The following CNTNAP2 variants were observed in gnomAD, a reference collection of about 807,000 sequenced individuals.
CNTNAP2 encodes the protein contactin-associated protein-like 2.
Under a neutral mutation model 155.2 loss-of-function variants are expected in CNTNAP2, and 98 were observed. That is an observed-to-expected ratio of 0.63 (90% CI 0.54 to 0.75). The LOEUF (loss-of-function observed/expected upper bound fraction) is 0.75, where lower values mean the gene tolerates loss of function less well. Among genes scored for constraint, CNTNAP2 ranks in the 30% least tolerant of loss-of-function variants. CNTNAP2 has a pLI of 0.00. For missense variants in CNTNAP2, 1,727 were observed against 1,688.1 expected, an observed-to-expected ratio of 1.02 and a Z score of -0.40; for synonymous variants, 651 against 631.2, an observed-to-expected ratio of 1.03 and a Z score of -0.47.
chr7:146,725,717 A>T (rs537713172), intron 1 of CNTNAP2, among the ~76,000 whole-genome samples: 1 of 152,118 alleles, frequency 6.6e-6, no homozygotes, highest in South Asian at 2.1e-4. Context: ...CTCCACCTGG[A>T]CCCACTAATC....
At chr7:147,390,768 T>C (rs905893568) in intron 9 of CNTNAP2, among the ~76,000 whole-genome samples, 1 of 152,148 alleles carries the variant, frequency 6.6e-6, no homozygotes, top group African/African-American at 2.4e-5. Flanking sequence ...GCAGCACTGA[T>C]TGTGTGGGAG....
intron 13 of CNTNAP2, among the ~76,000 whole-genome samples, chr7:147,750,811 G>T (rs980142539): frequency 6.6e-6 from 1 of 152,054 alleles, no homozygotes; most frequent in Non-Finnish European, 1.5e-5. Context: ...GGCCAAGGCG[G>T]GTAGATCACG....
intron 1 of CNTNAP2, among the ~76,000 whole-genome samples, chr7:146,426,408 T>TATAC (rs1338236974): frequency 7.3e-6 from 1 of 136,596 alleles, no homozygotes; most frequent in East Asian, 2.1e-4. Flanking sequence ...TATATATATA[T>TATAC]ACACACACAC....
At position 147,476,727 on chromosome 7, in the gene CNTNAP2, G is replaced by T. The variant is rs192031311; in HGVS notation, c.1671-9208G>T. On this transcript the variant is annotated intron_variant, in intron 10 of 23. Transcript: ENST00000361727. ...GGATCACTTGAAGTCAGGAGTTCGAGACCAGCCTGGCCAACATGGCAAAAA... is the reference window on the plus strand; with the variant it reads ...GGATCACTTGAAGTCAGGAGTTCGATACCAGCCTGGCCAACATGGCAAAAA... 5.4e-3 allele frequency among the ~76,000 whole-genome samples: 827 copies of T among 152,118 alleles called. 10 individuals are homozygous for T. Among genetic ancestry groups the T allele is most frequent in the African/African-American group, 0.019 (793 of 41,526 alleles).
rs1244835434 is a variant in CNTNAP2, at chr7:148,397,957, T to G, written c.3716-11434T>G. Among the ~76,000 whole-genome samples, 6 of 152,372 alleles carry G rather than the reference T, an allele frequency of 3.9e-5. No individual in the cohort carries two copies. The East Asian group carries it at 5.8e-4, about 15-fold the overall frequency. On this transcript the variant is annotated intron_variant, in intron 22 of 23. Transcript: ENST00000361727. ...ATGGAAGCATATTTAGCATGGAGCT[T>G]TTATACTCAGTTCTCTGAAGTCAGC...
chr7:148,118,401 C>A (rs909286502), intron 16 of CNTNAP2, 113 bp downstream of exon 16: 17 of 1,197,806 alleles, frequency 1.4e-5, no homozygotes, highest in Non-Finnish European at 2.0e-5. Context: ...TTCCTTTGTT[C>A]CAGGAGCAGG....
intron 13 of CNTNAP2, among the ~76,000 whole-genome samples, chr7:147,665,293 A>G (rs1795676158): frequency 6.6e-6 from 1 of 152,214 alleles, no homozygotes; most frequent in Non-Finnish European, 1.5e-5. Context: ...ACCTATGCAG[A>G]AGATAGTATA....
intron 3 of CNTNAP2, among the ~76,000 whole-genome samples, chr7:147,040,739 G>A (rs1221612688): frequency 1.6e-4 from 25 of 152,078 alleles, no homozygotes; most frequent in Admixed American, 1.6e-3. Context: ...GTGATTACAG[G>A]TGTGAGCCAC....
intron 13 of CNTNAP2, among the ~76,000 whole-genome samples, chr7:147,735,196 T>C (rs7456281): frequency 0.063 from 9,626 of 152,126 alleles, 967 homozygotes; most frequent in African/African-American, 0.22. Flanking sequence ...GATTTAAATG[T>C]GTCCCAGAGA....
chr7:146,897,041 C>T (rs1033580172), intron 3 of CNTNAP2, among the ~76,000 whole-genome samples: 2 of 151,700 alleles, frequency 1.3e-5, no homozygotes, highest in East Asian at 3.9e-4. Context: ...CTGCATATTG[C>T]CCTGGACAGA....
chr7:147,136,446 A>G (rs1563089530), intron 8 of CNTNAP2, among the ~76,000 whole-genome samples: 1 of 151,990 alleles, frequency 6.6e-6, no homozygotes, highest in East Asian at 1.9e-4. Flanking sequence ...TCCAAAGGAA[A>G]TCTTCTGTGG....
chr7:147,643,032 C>T lies in CNTNAP2; in HGVS notation c.2098+3726C>T, dbSNP rs574808035. ...AAAATGTGGATTGAATGGCCTTACT[C>T]CCAGGCTTTGATAGAGCTTGGTTGG... On this transcript the variant is annotated intron_variant, in intron 13 of 23. Coordinates refer to ENST00000361727, the MANE Select transcript of CNTNAP2 (RefSeq NM_014141.6). Among the ~76,000 whole-genome samples the T allele has an allele frequency of 5.9e-5, 9 of 152,212 alleles. No individual in the cohort carries two copies. In the South Asian group the frequency reaches 1.4e-3, roughly 25 times the overall value.
intron 16 of CNTNAP2, among the ~76,000 whole-genome samples, chr7:148,126,798 G>A (rs1167493135): frequency 2.0e-5 from 3 of 152,160 alleles, no homozygotes; most frequent in Non-Finnish European, 4.4e-5. Flanking sequence ...AGACTCTGGA[G>A]CCATAGAGTG....
At chr7:147,755,412 T>C in intron 13 of CNTNAP2, among the ~76,000 whole-genome samples, 1 of 152,332 alleles carries the variant, frequency 6.6e-6, no homozygotes, top group East Asian at 1.9e-4. Flanking sequence ...CCCAGCACTT[T>C]GGGATGCCAA....
chr7:146,847,364 T>G (rs1024973104), intron 3 of CNTNAP2, among the ~76,000 whole-genome samples: 1 of 152,170 alleles, frequency 6.6e-6, no homozygotes, highest in Admixed American at 6.5e-5. Context: ...CTAGGCAGAT[T>G]ATACAATTTT....
intron 6 of CNTNAP2, 145 bp downstream of exon 6, chr7:147,121,308 G>A: frequency 1.3e-6 from 1 of 742,646 alleles, no homozygotes; most frequent in South Asian, 1.9e-5. Context: ...TTAAAAACCT[G>A]ATTAATTCGT....
At position 147,977,945 on chromosome 7, in the gene CNTNAP2, C is replaced by T. The variant is rs1310998912; in HGVS notation, c.2339C>T (p.Ser780Leu). The T allele has an allele frequency of 1.9e-6, 3 of 1,614,124 alleles. No individual in the cohort carries two copies. The highest frequency in any genetic ancestry group is 2.5e-6 in the Non-Finnish European group (3 of 1,180,020). Residue 780 changes from serine (S) to leucine (L), a missense_variant, in exon 15 of 24, where the codon TCA becomes TTA. By Grantham distance (145) the Ser-to-Leu change is moderately radical. Coordinates refer to ENST00000361727, the MANE Select transcript of CNTNAP2 (RefSeq NM_014141.6). ...VVVGDTDRQG[S>L]EAKLSVGPLR... ...GTTGGAGATACTGACCGTCAAGGCT[C>T]AGAAGCCAAATTGAGCGTAGGTCCT...
At chr7:147,081,562 G>GCC (rs1325134402) in intron 4 of CNTNAP2, 1 of 150,930 alleles carries the variant, frequency 6.6e-6, no homozygotes, top group Non-Finnish European at 1.5e-5. Context: ...GACTACAGGC[G>GCC]CACCACCACA....
chr7:147,007,056 CAT>C (rs1207867662), intron 3 of CNTNAP2, among the ~76,000 whole-genome samples: 7 of 152,178 alleles, frequency 4.6e-5, no homozygotes, highest in African/African-American at 1.4e-4. Flanking sequence ...GGTCTCAAAA[CAT>C]GTGTACTACA....
Sources: allele counts gnomAD v4.1 joint callset (sites outside exome capture counted in the v4.1 genomes callset), GRCh38; gene constraint gnomAD v4.1.1; transcripts MANE v1.5; gene names NCBI Gene and HGNC (gene_info 2026-07-23, HGNC 2026-07-21).